The following KCNS3 variants were observed in gnomAD, a reference collection of about 807,000 sequenced individuals.
KCNS3 encodes delayed-rectifier potassium channel regulatory subunit KCNS3.
Under a neutral mutation model 31.0 loss-of-function variants are expected in KCNS3, and 13 were observed. That is an observed-to-expected ratio of 0.42 (90% CI 0.27 to 0.67). KCNS3 has a LOEUF of 0.67. Ranked by LOEUF, KCNS3 falls within the 30% of genes least tolerant of loss-of-function variation. The pLI, the probability that KCNS3 is intolerant of heterozygous loss-of-function variation, is 0.25. For synonymous variants in KCNS3, 238 were observed against 241.5 expected (o/e 0.99, Z 0.13); for missense variants, 545 against 622.4 (o/e 0.88, Z 1.32).
At chr2:17,893,413 G>A (rs187168001) in intron 1 of KCNS3, among the ~76,000 whole-genome samples, 27 of 152,290 alleles carry the variant, frequency 1.8e-4, no homozygotes, top group African/African-American at 5.8e-4. Context: ...ATTAGGATTC[G>A]CAACCTCTCC....
intron 1 of KCNS3, among the ~76,000 whole-genome samples, chr2:17,883,489 T>A (rs1480257392): frequency 6.6e-6 from 1 of 152,062 alleles, no homozygotes; most frequent in East Asian, 1.9e-4. Context: ...TCTAAAGGAC[T>A]TCATGGGAGA....
Position 17,931,546 on chromosome 2 carries a change from T to TA in KCNS3, c.539dup (p.Tyr180Ter), listed in dbSNP as rs767335566. 1.2e-6 allele frequency: 2 copies of TA among 1,614,088 alleles called. No homozygotes were observed. Among genetic ancestry groups the TA allele is most frequent in the Non-Finnish European group, 1.7e-6 (2 of 1,180,046 alleles). Residue 180 changes from tyrosine (Y) to a stop codon, truncating the protein, a stop_gained and frameshift_variant, in exon 3 of 3, where the codon TAC becomes TAAC. Transcript: ENST00000304101. LOFTEE classifies it high-confidence loss of function. The surrounding 1 kb of genome is among the most constrained non-coding windows in gnomAD (Gnocchi z 5.4). ...KIWIRMENPA[Y>*]CLSAKLIAIS... ...CTGGATTAGAATGGAGAATCCAGCG[T>TA]ACTGCCTGTCCGCTAAGCTTATCGC...
At chr2:17,890,294 G>T (rs1453499111) in intron 1 of KCNS3, among the ~76,000 whole-genome samples, 1 of 151,986 alleles carries the variant, frequency 6.6e-6, no homozygotes, top group Non-Finnish European at 1.5e-5. Context: ...TCTTAGTGAG[G>T]TTATTTGGAT....
At chr2:17,888,074 A>G (rs1026504463) in intron 1 of KCNS3, among the ~76,000 whole-genome samples, 1 of 151,634 alleles carries the variant, frequency 6.6e-6, no homozygotes, top group African/African-American at 2.4e-5. Context: ...TAGATTCTGG[A>G]TATTAGTCCT....
At position 17,931,033 on chromosome 2, in the gene KCNS3, C is replaced by G. The variant is rs140025505; in HGVS notation, c.25C>G (p.Arg9Gly). 12 of 1,613,444 alleles carry G rather than the reference C, an allele frequency of 7.4e-6. No individual in the cohort carries two copies. The highest frequency in any genetic ancestry group is 1.0e-5 in the Non-Finnish European group (12 of 1,179,744). ...CATGGTGTTTGGTGAGTTTTTCCAT[C>G]GCCCTGGACAAGACGAGGAACTTGT... MVFGEFFH[R>G]PGQDEELVNL... The change falls in exon 3 of 3, where the codon CGC becomes GGC. Residue 9 changes from arginine to glycine, a missense_variant. Coordinates refer to ENST00000304101, the MANE Select transcript of KCNS3 (RefSeq NM_002252.5). The surrounding 1 kb of genome is among the most constrained non-coding windows in gnomAD (Gnocchi z 5.4).
At chr2:17,902,690 C>G (rs1419525752) in intron 1 of KCNS3, among the ~76,000 whole-genome samples, 1 of 152,036 alleles carries the variant, frequency 6.6e-6, no homozygotes, top group East Asian at 1.9e-4. Flanking sequence ...ATTTTAACAA[C>G]TGTAGGTTAA....
chr2:17,880,201 C>A (rs1361183606), intron 1 of KCNS3, among the ~76,000 whole-genome samples: 1 of 152,202 alleles, frequency 6.6e-6, no homozygotes, highest in Non-Finnish European at 1.5e-5. Flanking sequence ...GTCTTCCCTG[C>A]ATATCTGGAG....
chr2:17,915,731 TGTTGAG>T (rs1662574173), intron 1 of KCNS3, among the ~76,000 whole-genome samples: 1 of 152,240 alleles, frequency 6.6e-6, no homozygotes, highest in Non-Finnish European at 1.5e-5. Context: ...TATAATTTTA[TGTTGAG>T]AAGTCACACT....
chr2:17,915,128 A>C (rs963436856), intron 1 of KCNS3, among the ~76,000 whole-genome samples: 1 of 152,210 alleles, frequency 6.6e-6, no homozygotes, highest in African/African-American at 2.4e-5. Flanking sequence ...AAATGCAGCC[A>C]GCCTGGAGGG....
At chr2:17,922,363 T>G (rs1044941711) in intron 2 of KCNS3, among the ~76,000 whole-genome samples, 3 of 152,132 alleles carry the variant, frequency 2.0e-5, no homozygotes, top group Non-Finnish European at 4.4e-5. Flanking sequence ...ATTCACTTAT[T>G]TTTATTATAA....
intron 1 of KCNS3, among the ~76,000 whole-genome samples, chr2:17,914,258 G>C (rs138144705): frequency 6.6e-6 from 1 of 152,226 alleles, no homozygotes; most frequent in Non-Finnish European, 1.5e-5. Context: ...AGACACTTGT[G>C]TTGGCCGCAT....
At chr2:17,905,873 T>C (rs188890540) in intron 1 of KCNS3, among the ~76,000 whole-genome samples, 4,541 of 152,362 alleles carry the variant, frequency 0.03, 86 homozygotes, top group Non-Finnish European at 0.042. Flanking sequence ...CCGTATTTTA[T>C]TGAGGATTTT....
intron 1 of KCNS3, among the ~76,000 whole-genome samples, chr2:17,910,500 G>A (rs951192160): frequency 6.6e-6 from 1 of 152,174 alleles, no homozygotes; most frequent in Admixed American, 6.5e-5. Flanking sequence ...CAAAAGAGGA[G>A]AGGGATGAAG....
At chr2:17,886,554 A>G (rs1437191174) in intron 1 of KCNS3, among the ~76,000 whole-genome samples, 6 of 152,170 alleles carry the variant, frequency 3.9e-5, no homozygotes, top group African/African-American at 4.8e-5. Context: ...TACGAAGATG[A>G]GATTCAGCCC....
intron 1 of KCNS3, among the ~76,000 whole-genome samples, chr2:17,899,052 C>A (rs779531646): frequency 6.6e-6 from 1 of 151,948 alleles, no homozygotes; most frequent in Non-Finnish European, 1.5e-5. Flanking sequence ...ATGGTGAAAC[C>A]CCGTCACCAC....
chr2:17,931,522 T>A lies in KCNS3; in HGVS notation c.514T>A (p.Trp172Arg). 1 of 1,614,170 alleles carries A rather than the reference T, an allele frequency of 6.2e-7. No individual in the cohort carries two copies. Among genetic ancestry groups the A allele is most frequent in the East Asian group, 2.2e-5 (1 of 44,876 alleles). Residue 172 changes from tryptophan to arginine, a missense_variant, in exon 3 of 3, where the codon TGG becomes AGG. Transcript: ENST00000304101. The surrounding 1 kb of genome is among the most constrained non-coding windows in gnomAD (Gnocchi z 5.4). Reference sequence around the variant, plus strand: ...ATTTGGTCAGCTCCGGAAGAAAATCTGGATTAGAATGGAGAATCCAGCGTA... The same window carrying A: ...ATTTGGTCAGCTCCGGAAGAAAATCAGGATTAGAATGGAGAATCCAGCGTA... Reference protein sequence around the residue: ...LRFGQLRKKIWIRMENPAYCL... With the variant: ...LRFGQLRKKIRIRMENPAYCL...
chr2:17,905,384 T>A (rs1295340464), intron 1 of KCNS3, among the ~76,000 whole-genome samples: 1 of 152,244 alleles, frequency 6.6e-6, no homozygotes, highest in Admixed American at 6.5e-5. Flanking sequence ...GTTTTCTAAA[T>A]ATACAATCAT....
intron 2 of KCNS3, among the ~76,000 whole-genome samples, chr2:17,923,929 A>G (rs2125252266): frequency 6.6e-6 from 1 of 152,144 alleles, no homozygotes; most frequent in South Asian, 2.1e-4. Context: ...TAGGAATTGT[A>G]TTTAATCTAT....
chr2:17,931,379 G>T lies in KCNS3; in HGVS notation c.371G>T (p.Arg124Leu), dbSNP rs777273178. The change falls in exon 3 of 3, where the codon CGC becomes CTC. Residue 124 changes from arginine (R) to leucine (L), a missense_variant. Arg to Leu is a moderately radical substitution (Grantham distance 102). Transcript: ENST00000304101. This position sits in a 1 kb window ranked among gnomAD's most constrained non-coding sequence, Gnocchi z 5.4. ...TGCTGCAGCAATCGCTACCAGGAAC[G>T]CAAGGAGGAAAACCACGAGAAGGAC... ...DSCCSNRYQE[R>L]KEENHEKDWD... 1.8e-5 allele frequency: 29 copies of T among 1,614,022 alleles called. No homozygotes were observed. The highest frequency in any genetic ancestry group is 2.4e-5 in the Non-Finnish European group (28 of 1,180,036).
Sources: allele counts gnomAD v4.1 joint callset (sites outside exome capture counted in the v4.1 genomes callset), GRCh38; gene constraint gnomAD v4.1.1; non-coding constraint Gnocchi (gnomAD v3.1); transcripts MANE v1.5; gene names NCBI Gene and HGNC (gene_info 2026-07-23, HGNC 2026-07-21).